PCDHGB4: variants seen among roughly 807,000 people sequenced by gnomAD.
The protein encoded by PCDHGB4 is protocadherin gamma-B4.
Under a neutral mutation model 60.5 loss-of-function variants are expected in PCDHGB4, and 38 were observed. The ratio of observed to expected loss-of-function variants is 0.63; its 90% CI spans 0.48 to 0.82. The LOEUF is 0.82. Among genes scored for constraint, PCDHGB4 ranks in the 40% least tolerant of loss-of-function variants. PCDHGB4 has a pLI of 0.00. For synonymous variants in PCDHGB4, 456 were observed against 509.7 expected (o/e 0.89, Z 1.42); for missense variants, 1,109 against 1,209.6 (o/e 0.92, Z 1.23).
In PCDHGB4 at chr5:141,432,017, A is replaced by G. The variant is rs372826902; in HGVS notation, c.2397+41736A>G. The stretch of plus-strand genomic sequence containing the variant: ...TAGGGAACAGGTTCCTAGCTACAAC[A>G]TCACAGTGACCGCCACTGACCGGGG... On this transcript the variant is annotated intron_variant, in intron 1 of 3. Coordinates refer to ENST00000519479, the MANE Select transcript of PCDHGB4 (RefSeq NM_003736.4). This position sits in a 1 kb window ranked among gnomAD's most constrained non-coding sequence, Gnocchi z 6.0. The G allele has an allele frequency of 6.2e-7, 1 of 1,614,224 alleles. No individual in the cohort carries two copies. Among genetic ancestry groups the G allele is most frequent in the Non-Finnish European group, 8.5e-7 (1 of 1,180,038 alleles).
At chr5:141,402,820 C>G (rs1351401631) in intron 1 of PCDHGB4, 2 of 1,288,046 alleles carry the variant, frequency 1.6e-6, no homozygotes, top group Admixed American at 5.9e-5. Flanking sequence ...CACAAACCTG[C>G]TCCCAGGCTG....
intron 1 of PCDHGB4, among the ~76,000 whole-genome samples, chr5:141,450,726 A>G (rs1302961852): frequency 2.0e-5 from 3 of 151,932 alleles, no homozygotes; most frequent in Admixed American, 2.0e-4. Flanking sequence ...ACCTCAGGTG[A>G]TCCGCCCGCC....
chr5:141,396,538 T>C (rs1352031358), intron 1 of PCDHGB4: 1 of 151,514 alleles, frequency 6.6e-6, no homozygotes, highest in Non-Finnish European at 1.5e-5. Flanking sequence ...AAGAATCACT[T>C]GAACCCGGGA....
intron 1 of PCDHGB4, chr5:141,421,959 A>G (rs2096614103): frequency 1.9e-6 from 3 of 1,612,798 alleles, no homozygotes; most frequent in East Asian, 2.2e-5. Flanking sequence ...CAATGTTTAC[A>G]CAGTCCGTAT....
At chr5:141,405,047 G>T (rs754907464) in intron 1 of PCDHGB4, 1 of 1,613,944 alleles carries the variant, frequency 6.2e-7, no homozygotes, top group Non-Finnish European at 8.5e-7. Flanking sequence ...GGCTGTGGCA[G>T]TCGTCTCCTG....
intron 1 of PCDHGB4, among the ~76,000 whole-genome samples, chr5:141,469,162 G>A (rs2099192596): frequency 6.6e-6 from 1 of 152,062 alleles, no homozygotes; most frequent in Admixed American, 6.6e-5. Flanking sequence ...TGTAGTCCCA[G>A]CTACTTGGGA....
In PCDHGB4 at chr5:141,491,665, C is replaced by A; in HGVS notation, c.2398-3142C>A. 1 of 1,613,764 alleles carries A rather than the reference C, an allele frequency of 6.2e-7. No individual in the cohort carries two copies. Among genetic ancestry groups the A allele is most frequent in the Admixed American group, 1.7e-5 (1 of 60,034 alleles). On this transcript the variant is annotated intron_variant, in intron 1 of 3. Coordinates refer to ENST00000519479, the MANE Select transcript of PCDHGB4 (RefSeq NM_003736.4). The surrounding 1 kb of genome is among the most constrained non-coding windows in gnomAD (Gnocchi z 6.9). ...TCTGGCGCTGGAGCCTGACGCCATCCGGTCCCGCTCTAATACGCTGCGGGA... is the reference window on the plus strand; with the variant it reads ...TCTGGCGCTGGAGCCTGACGCCATCAGGTCCCGCTCTAATACGCTGCGGGA...
chr5:141,485,674 T>C lies in PCDHGB4; in HGVS notation c.2398-9133T>C. 1 of 1,612,986 alleles carries C rather than the reference T, an allele frequency of 6.2e-7. No homozygotes were observed. Among genetic ancestry groups the C allele is most frequent in the South Asian group, 1.1e-5 (1 of 91,072 alleles). Reference sequence around the variant, plus strand: ...ATGCAGATGTGGGGAGCAATTCGATTAGCAGCTATAGGCTGAGCTCCAATG... The same window carrying C: ...ATGCAGATGTGGGGAGCAATTCGATCAGCAGCTATAGGCTGAGCTCCAATG... On this transcript the variant is annotated intron_variant, in intron 1 of 3. Transcript: ENST00000519479. This position sits in a 1 kb window ranked among gnomAD's most constrained non-coding sequence, Gnocchi z 5.7.
chr5:141,441,973 C>A lies in PCDHGB4; in HGVS notation c.2397+51692C>A, dbSNP rs1457832429. The A allele has an allele frequency of 3.7e-5, 11 of 296,542 alleles. No individual in the cohort carries two copies. In the Admixed American group the frequency reaches 4.9e-4, roughly 13 times the overall value. 18.4% of individuals were successfully genotyped at this position (296,542 alleles called of 1,614,324 possible). A position where few individuals can be genotyped will look rare whatever the true frequency, so the allele number is the denominator to read the frequency against. ...GGCCAGCAAGCCCAGGCTCTTCAGC[C>A]TGGAATGCGCACCGACGAGGTGCTG... On this transcript the variant is annotated intron_variant, in intron 1 of 3. Coordinates refer to ENST00000519479, the MANE Select transcript of PCDHGB4 (RefSeq NM_003736.4).
intron 1 of PCDHGB4, chr5:141,417,692 C>A: frequency 9.2e-7 from 1 of 1,089,116 alleles, no homozygotes; most frequent in Non-Finnish European, 1.3e-6. Context: ...AAAAGAAAAC[C>A]AGCTCCCACA....
rs112808093 is a variant in PCDHGB4, at chr5:141,489,579, C to A, written c.2398-5228C>A. ...CAGTGCAGGTGGTGACTGAACACCC[C>A]CTGGAGCTAATCCGTGTAGAGGTAG... On this transcript the variant is annotated intron_variant, in intron 1 of 3. Coordinates refer to ENST00000519479, the MANE Select transcript of PCDHGB4 (RefSeq NM_003736.4). This position sits in a 1 kb window ranked among gnomAD's most constrained non-coding sequence, Gnocchi z 4.5. 1.2e-6 allele frequency: 2 copies of A among 1,613,922 alleles called. No individual in the cohort carries two copies. Among genetic ancestry groups the A allele is most frequent in the African/African-American group, 2.7e-5 (2 of 74,916 alleles).
intron 1 of PCDHGB4, among the ~76,000 whole-genome samples, chr5:141,484,774 C>T (rs1269490742): frequency 6.6e-6 from 1 of 151,782 alleles, no homozygotes; most frequent in Non-Finnish European, 1.5e-5. Context: ...ATGTTGTCTG[C>T]CTCCCCACAG....
At chr5:141,468,889 G>T (rs2099184580) in intron 1 of PCDHGB4, among the ~76,000 whole-genome samples, 1 of 151,496 alleles carries the variant, frequency 6.6e-6, no homozygotes, top group African/African-American at 2.4e-5. Flanking sequence ...ATAATAATAA[G>T]GTACTAATAT....
At chr5:141,404,266 C>T in intron 1 of PCDHGB4, 1 of 1,613,980 alleles carries the variant, frequency 6.2e-7, no homozygotes. Flanking sequence ...AAATTCACAT[C>T]ACCCTGCAAG....
rs528371675 is a variant in PCDHGB4 at position 141,389,403 on chromosome 5, G to T, written c.1519G>T (p.Ala507Ser). 18 of 1,613,628 alleles carry T rather than the reference G, an allele frequency of 1.1e-5. No individual in the cohort carries two copies. The African/African-American group carries it at 2.4e-4, about 21-fold the overall frequency. The change falls in exon 1 of 4, where the codon GCG (alanine) becomes TCG (serine). Residue 507 changes from alanine (A) to serine (S), a missense_variant. Transcript: ENST00000519479. ...RELSSYVSISAESGVVFAQRA... is the reference protein window; with the variant it reads ...RELSSYVSISSESGVVFAQRA... The stretch of plus-strand genomic sequence containing the variant: ...GCTGTCATCCTACGTGTCCATAAGC[G>T]CGGAGAGCGGGGTGGTGTTCGCGCA...
At chr5:141,442,689 G>A (rs966261716) in intron 1 of PCDHGB4, among the ~76,000 whole-genome samples, 1 of 152,238 alleles carries the variant, frequency 6.6e-6, no homozygotes, top group South Asian at 2.1e-4. Context: ...CAGTAGTCAG[G>A]CAGACAAGAG....
Position 141,486,662 on chromosome 5 carries a change from C to T in PCDHGB4, c.2398-8145C>T. 6.2e-7 allele frequency: 1 copy of T among 1,613,970 alleles called. No homozygotes were observed. The highest frequency in any genetic ancestry group is 1.1e-5 in the South Asian group (1 of 91,086). ...GCTTATCTCCTACTCACTCCTGGAG[C>T]CCAGGAATCGAGATGTATCAGCTTC... On this transcript the variant is annotated intron_variant, in intron 1 of 3. Coordinates refer to ENST00000519479, the MANE Select transcript of PCDHGB4 (RefSeq NM_003736.4). The surrounding 1 kb of genome is among the most constrained non-coding windows in gnomAD (Gnocchi z 5.0).
At chr5:141,405,880 G>T (rs2094729430) in intron 1 of PCDHGB4, among the ~76,000 whole-genome samples, 1 of 152,110 alleles carries the variant, frequency 6.6e-6, no homozygotes, top group Non-Finnish European at 1.5e-5. Flanking sequence ...GGGCCTAATT[G>T]TTGCTCCAAC....
intron 1 of PCDHGB4, chr5:141,415,758 T>G (rs200061978): frequency 0.08 from 111,079 of 1,380,048 alleles, 1,979 homozygotes; most frequent in African/African-American, 0.17. Context: ...TTTTTTTTTT[T>G]TTTTTTTTTT....
Sources: allele counts gnomAD v4.1 joint callset (sites outside exome capture counted in the v4.1 genomes callset), GRCh38; gene constraint gnomAD v4.1.1; non-coding constraint Gnocchi (gnomAD v3.1); transcripts MANE v1.5; gene names NCBI Gene and HGNC (gene_info 2026-07-23, HGNC 2026-07-21).